The following MYBPC1 variants were observed in gnomAD, a reference collection of about 807,000 sequenced individuals.
MYBPC1 encodes myosin-binding protein C, slow-type.
A neutral mutation model predicts 147.1 loss-of-function variants in MYBPC1; 52 were observed. The ratio of observed to expected loss-of-function variants is 0.35; its 90% confidence interval spans 0.28 to 0.45. The LOEUF is 0.45. Among genes scored for constraint, MYBPC1 ranks in the 20% least tolerant of loss-of-function variants. MYBPC1 has a pLI of 1.00. For missense variants in MYBPC1, 1,228 were observed against 1,440.3 expected (o/e 0.85, Z 2.39); for synonymous variants, 477 against 475.9 (o/e 1.00, Z -0.03).
intron 21 of MYBPC1, among the ~76,000 whole-genome samples, chr12:101,662,962 C>A (rs1035980653): frequency 5.9e-5 from 9 of 152,094 alleles, no homozygotes; most frequent in Admixed American, 5.9e-4. Flanking sequence ...AAACTGGTTT[C>A]TTTGCTTTAT....
chr12:101,639,824 T>C (rs1371314156), intron 10 of MYBPC1, among the ~76,000 whole-genome samples: 1 of 151,964 alleles, frequency 6.6e-6, no homozygotes, highest in Non-Finnish European at 1.5e-5. Context: ...GTCAGGAGGA[T>C]AGCTGAAATA....
chr12:101,628,217 A>C (rs1456500672), intron 5 of MYBPC1: 1 of 284,156 alleles, frequency 3.5e-6, no homozygotes, highest in African/African-American at 2.2e-5. Context: ...TCATTCGACA[A>C]ATTTGTACTG....
intron 3 of MYBPC1, among the ~76,000 whole-genome samples, chr12:101,623,842 T>C (rs1269511887): frequency 6.6e-6 from 1 of 152,224 alleles, no homozygotes; most frequent in Non-Finnish European, 1.5e-5. Context: ...GTTTTGAACA[T>C]GTAAAATTTT....
intron 20 of MYBPC1, among the ~76,000 whole-genome samples, chr12:101,661,904 A>G (rs993969860): frequency 2.6e-5 from 1 of 38,076 alleles, no homozygotes; most frequent in East Asian, 1.5e-3. Flanking sequence ...CTCAAAAAAA[A>G]AAAAAAAAAA....
At chr12:101,676,863 GTTATAC>G (rs1900109679) in intron 26 of MYBPC1, among the ~76,000 whole-genome samples, 1 of 152,106 alleles carries the variant, frequency 6.6e-6, no homozygotes, top group African/African-American at 2.4e-5. Context: ...AAATTCTGTA[GTTATAC>G]TTTATTCTAC....
rs1892245704 is a variant in MYBPC1 at position 101,642,455 on chromosome 12, C to T, written c.702C>T (p.Asp234=). Residue 234 remains aspartate, a synonymous_variant, in exon 11 of 32, where the codon GAC becomes GAT. Coordinates refer to ENST00000361466, the MANE Select transcript of MYBPC1 (RefSeq NM_002465.4). The stretch of plus-strand genomic sequence containing the variant: ...AGCAGGAGGAAGAACCCCAGGTGGA[C>T]GTATGGGAGTTGCTGAAGAACGCGA... ...VKQQEEEPQV[D]VWELLKNAKP... is the part of the protein sequence containing the mutation. 3 of 1,613,956 alleles carry T rather than the reference C, an allele frequency of 1.9e-6. No homozygotes were observed. Among genetic ancestry groups the T allele is most frequent in the African/African-American group, 1.3e-5 (1 of 74,926 alleles).
intron 6 of MYBPC1, 49 bp from the exon 7 acceptor site, chr12:101,631,522 C>T: frequency 6.2e-7 from 1 of 1,605,212 alleles, no homozygotes; most frequent in Non-Finnish European, 8.5e-7. Flanking sequence ...GAAAGCAAAA[C>T]AAATGACGCT....
intron 3 of MYBPC1, among the ~76,000 whole-genome samples, chr12:101,625,016 A>AG (rs35959164): frequency 0.55 from 83,000 of 151,636 alleles, 24,484 homozygotes; most frequent in African/African-American, 0.77. Flanking sequence ...GTAAGGTACT[A>AG]AATTGATAAA....
intron 10 of MYBPC1, among the ~76,000 whole-genome samples, chr12:101,639,034 A>T (rs1891524226): frequency 6.6e-6 from 1 of 152,218 alleles, no homozygotes; most frequent in Admixed American, 6.5e-5. Context: ...AAAAAAAAAT[A>T]TGATTAAAAC....
chr12:101,676,376 T>C (rs1014607948), intron 26 of MYBPC1, among the ~76,000 whole-genome samples: 7 of 150,482 alleles, frequency 4.7e-5, no homozygotes, highest in Non-Finnish European at 1.0e-4. Flanking sequence ...AAGGTGGAGG[T>C]TGTAGTGAGC....
At chr12:101,620,245 T>C (rs759036281) in intron 3 of MYBPC1, among the ~76,000 whole-genome samples, 3 of 152,212 alleles carry the variant, frequency 2.0e-5, no homozygotes, top group Non-Finnish European at 2.9e-5. Context: ...CAGGAGGCAA[T>C]GCCTTTATAC....
At chr12:101,644,267 C>T (rs942050994) in intron 11 of MYBPC1, among the ~76,000 whole-genome samples, 5 of 152,038 alleles carry the variant, frequency 3.3e-5, no homozygotes, top group Non-Finnish European at 5.9e-5. Flanking sequence ...GATCTCCTGG[C>T]CTCAAGTGAT....
At chr12:101,628,231 A>T (rs1254592247) in intron 5 of MYBPC1, 1 of 268,566 alleles carries the variant, frequency 3.7e-6, no homozygotes, top group African/African-American at 2.2e-5. Context: ...TGTACTGAGG[A>T]CCTAATATGA....
chr12:101,613,803 G>A (rs148661484), intron 1 of MYBPC1, among the ~76,000 whole-genome samples: 244 of 151,558 alleles, frequency 1.6e-3, no homozygotes, highest in African/African-American at 5.7e-3. Context: ...CTCCAAGCAC[G>A]TATGCTTCCA....
In MYBPC1 at chr12:101,619,353, C is replaced by T. The variant is rs562833718; in HGVS notation, c.103+2110C>T. Among the ~76,000 whole-genome samples, 8 of 152,282 alleles carry T rather than the reference C, an allele frequency of 5.3e-5. No individual in the cohort carries two copies. In the South Asian group the frequency reaches 1.7e-3, roughly 32 times the overall value. ...TCTTGGACCTGTTGCCTCCATCATTCAATCACTCTTGTCTCCACATAATCG... is the reference window on the plus strand; with the variant it reads ...TCTTGGACCTGTTGCCTCCATCATTTAATCACTCTTGTCTCCACATAATCG... On this transcript the variant is annotated intron_variant, in intron 3 of 31. Coordinates refer to ENST00000361466, the MANE Select transcript of MYBPC1 (RefSeq NM_002465.4).
chr12:101,680,497 C>G lies in MYBPC1; in HGVS notation c.3401C>G (p.Thr1134Arg), dbSNP rs1213625594. 1 of 1,614,016 alleles carries G rather than the reference C, an allele frequency of 6.2e-7. No homozygotes were observed. Among genetic ancestry groups the G allele is most frequent in the Non-Finnish European group, 8.5e-7 (1 of 1,179,988 alleles). Residue 1134 changes from threonine (T) to arginine (R), a missense_variant, in exon 29 of 32, where the codon ACA becomes AGA. This residue lies in a region of MYBPC1 where 1,077 missense variants were observed against 1,314.2 expected (regional missense o/e 0.82). Coordinates refer to ENST00000361466, the MANE Select transcript of MYBPC1 (RefSeq NM_002465.4). ...TGCAAAGCAGTCAATGACCTTGGGA[C>G]AGTGGAGATTGAATGCAAACTGGAG... ...YCCKAVNDLG[T>R]VEIECKLEVK...
chr12:101,613,530 G>T (rs1565895147), intron 1 of MYBPC1, among the ~76,000 whole-genome samples: 1 of 152,182 alleles, frequency 6.6e-6, no homozygotes, highest in Admixed American at 6.5e-5. Flanking sequence ...TGAAGCAGGT[G>T]GTTCATGAGT....
At chr12:101,694,411 C>T in the MYBPC1 span, among the ~76,000 whole-genome samples, 982 of 152,282 alleles carry the variant, frequency 6.4e-3, 11 homozygotes, top group African/African-American at 0.022. Flanking sequence ...CCCTGCTCCA[C>T]CCCCAATTCA....
rs1951328193 is a variant in MYBPC1 at position 101,685,899 on chromosome 12, T to C, written c.*337T>C. The C allele has an allele frequency of 4.4e-6, 2 of 449,858 alleles. No individual in the cohort carries two copies. The highest frequency in any genetic ancestry group is 3.8e-5 in the Admixed American group (1 of 26,158). 27.9% of individuals were successfully genotyped at this position (449,858 alleles called of 1,614,324 possible). A position where few individuals can be genotyped will look rare whatever the true frequency, so the allele number is the denominator to read the frequency against. ...GAAGTCAGCACTTTGGTCATTATTA[T>C]CTCTGCTCACTGTATTATACTTTAC... On this transcript the variant is annotated 3_prime_UTR_variant, in exon 32 of 32. Transcript: ENST00000361466.
Sources: gnomAD v4.1 joint callset for allele counts (sites outside exome capture counted in the v4.1 genomes callset) on GRCh38, gnomAD v4.1.1 for gene constraint, gnomAD v4.1.1 regional missense constraint, MANE v1.5 for transcripts, NCBI Gene and HGNC (gene_info 2026-07-23, HGNC 2026-07-21) for gene names.